The following AUTS2 variants were observed in gnomAD, a reference collection of about 807,000 sequenced individuals.
The protein encoded by AUTS2 is activator of transcription and developmental regulator AUTS2, also known as autism susceptibility gene 2 protein.
AUTS2 carries 17 observed loss-of-function variants against 112.4 expected under a neutral mutation model. The observed-to-expected ratio is 0.15, with a 90% CI of 0.10 to 0.23. AUTS2 has a LOEUF of 0.23. Ranked by LOEUF, AUTS2 falls within the 10% of genes least tolerant of loss-of-function variation. AUTS2 has a pLI of 1.00. For synonymous variants in AUTS2, 751 were observed against 702.7 expected, an observed-to-expected ratio of 1.07 and a Z score of -1.09; for missense variants, 1,510 against 1,701.6, an observed-to-expected ratio of 0.89 and a Z score of 1.98.
chr7:70,023,264 A>G (rs941912572), intron 2 of AUTS2, among the ~76,000 whole-genome samples: 1 of 152,240 alleles, frequency 6.6e-6, no homozygotes, highest in Non-Finnish European at 1.5e-5. Flanking sequence ...ATTTGAGTTG[A>G]GTGAGATCAT....
intron 4 of AUTS2, among the ~76,000 whole-genome samples, chr7:70,389,060 G>A (rs1793736017): frequency 1.3e-5 from 2 of 152,110 alleles, no homozygotes; most frequent in Non-Finnish European, 2.9e-5. Context: ...AAAAAGTATA[G>A]GTTAACCAAG....
chr7:69,752,235 G>A lies in AUTS2; in HGVS notation c.310-147051G>A, dbSNP rs559006883. On this transcript the variant is annotated intron_variant, in intron 1 of 18. Coordinates refer to ENST00000342771, the MANE Select transcript of AUTS2 (RefSeq NM_015570.4). ...GGGCTGGGGTGGGCCCTTGCTCTCT[G>A]CAGAGGTGTTCTTTCTCCCAGTGGG... Among the ~76,000 whole-genome samples, 77 of 152,346 alleles carry A rather than the reference G, an allele frequency of 5.1e-4. 1 individual carries two copies. The highest frequency in any genetic ancestry group is 1.8e-3 in the African/African-American group (73 of 41,580).
intron 2 of AUTS2, among the ~76,000 whole-genome samples, chr7:70,084,127 G>T (rs761691207): frequency 6.6e-6 from 1 of 151,932 alleles, no homozygotes. Context: ...TCACTATAAA[G>T]TTGTATACAT....
At chr7:69,665,905 A>G (rs1796010996) in intron 1 of AUTS2, among the ~76,000 whole-genome samples, 2 of 152,158 alleles carry the variant, frequency 1.3e-5, no homozygotes, top group Admixed American at 1.3e-4. Context: ...AAGTTAGGCC[A>G]TTAGAAATGC....
intron 4 of AUTS2, among the ~76,000 whole-genome samples, chr7:70,281,262 G>T (rs1056585202): frequency 6.6e-6 from 1 of 152,190 alleles, no homozygotes; most frequent in Admixed American, 6.5e-5. Flanking sequence ...GCCTAGGCCT[G>T]TGTGAATGGC....
intron 1 of AUTS2, among the ~76,000 whole-genome samples, chr7:69,731,146 G>T (rs534196270): frequency 6.6e-6 from 1 of 152,270 alleles, no homozygotes; most frequent in Non-Finnish European, 1.5e-5. Context: ...ACAAAAATTA[G>T]CCAGGTGTGG....
intron 1 of AUTS2, among the ~76,000 whole-genome samples, chr7:69,807,238 G>A (rs1017286768): frequency 6.6e-6 from 1 of 152,108 alleles, no homozygotes; most frequent in Non-Finnish European, 1.5e-5. Context: ...GTCACTGTGG[G>A]TATTTATTTT....
intron 6 of AUTS2, among the ~76,000 whole-genome samples, chr7:70,751,420 A>G (rs1489455243): frequency 6.6e-6 from 1 of 152,246 alleles, no homozygotes; most frequent in East Asian, 1.9e-4. Context: ...TGGGAAGACT[A>G]TCTTTTTAAT....
rs947206705 is a variant in AUTS2, at chr7:69,636,486, C to A, written c.309+36524C>A. On this transcript the variant is annotated intron_variant, in intron 1 of 18. Transcript: ENST00000342771. The stretch of plus-strand genomic sequence containing the variant: ...CTGACCTCAAGTGATCCGCGCCCCC[C>A]CCCCCCCTTGGCCTCCCAAAGTGCT... 2.4e-5 allele frequency among the ~76,000 whole-genome samples: 2 copies of A among 82,352 alleles called. 1 individual carries two copies. The highest frequency in any genetic ancestry group is 9.2e-5 in the African/African-American group (2 of 21,726). 54.0% of individuals were successfully genotyped at this position (82,352 alleles called of 152,430 possible). A position where few individuals can be genotyped will look rare whatever the true frequency, so the allele number is the denominator to read the frequency against.
intron 5 of AUTS2, among the ~76,000 whole-genome samples, chr7:70,576,892 C>G (rs1398245945): frequency 6.6e-6 from 1 of 152,124 alleles, no homozygotes; most frequent in East Asian, 1.9e-4. Context: ...CCACAGAACA[C>G]CTAGGAACAT....
intron 2 of AUTS2, among the ~76,000 whole-genome samples, chr7:70,019,116 A>G (rs1800160826): frequency 6.6e-6 from 1 of 152,238 alleles, no homozygotes; most frequent in South Asian, 2.1e-4. Context: ...TTGCAGGAAC[A>G]TGGATAGGAG....
chr7:70,310,749 C>T (rs1490556925), intron 4 of AUTS2, among the ~76,000 whole-genome samples: 1 of 152,250 alleles, frequency 6.6e-6, no homozygotes, highest in East Asian at 1.9e-4. Flanking sequence ...TTTGCAACAA[C>T]ATCAGAGAGA....
chr7:70,622,395 G>C (rs1804729593), intron 5 of AUTS2, among the ~76,000 whole-genome samples: 1 of 152,110 alleles, frequency 6.6e-6, no homozygotes, highest in African/African-American at 2.4e-5. Context: ...TCTTTAAGCA[G>C]CACATTCTTG....
chr7:70,302,279 G>A (rs2129613694), intron 4 of AUTS2, among the ~76,000 whole-genome samples: 1 of 152,150 alleles, frequency 6.6e-6, no homozygotes, highest in Non-Finnish European at 1.5e-5. Flanking sequence ...TGGGCATGGT[G>A]GTGCAGGCTG....
intron 2 of AUTS2, among the ~76,000 whole-genome samples, chr7:69,906,849 G>A (rs916284238): frequency 1.3e-5 from 2 of 152,168 alleles, no homozygotes; most frequent in African/African-American, 4.8e-5. Context: ...GTTCACGCCT[G>A]TAATCTCAGC....
intron 4 of AUTS2, among the ~76,000 whole-genome samples, chr7:70,422,788 A>AG (rs1204612632): frequency 6.6e-6 from 1 of 152,010 alleles, no homozygotes; most frequent in Non-Finnish European, 1.5e-5. Flanking sequence ...GAAAAAAAAA[A>AG]TTATACCCAT....
chr7:69,857,042 C>T (rs1206327744), intron 1 of AUTS2, among the ~76,000 whole-genome samples: 1 of 152,150 alleles, frequency 6.6e-6, no homozygotes, highest in African/African-American at 2.4e-5. Flanking sequence ...CCTGTTAAAT[C>T]AGTATAATGA....
At chr7:70,432,583 T>C (rs1430656380) in intron 4 of AUTS2, among the ~76,000 whole-genome samples, 2 of 152,158 alleles carry the variant, frequency 1.3e-5, no homozygotes, top group Non-Finnish European at 2.9e-5. Context: ...CCGTCTGGGG[T>C]TGTCAACAAA....
chr7:70,730,959 G>C (rs7794301), intron 6 of AUTS2, among the ~76,000 whole-genome samples: 34,838 of 152,130 alleles, frequency 0.23, 4,858 homozygotes, highest in East Asian at 0.58. Flanking sequence ...AGTAATATTT[G>C]ATTGTGGGTT....
Sources: allele counts gnomAD v4.1 joint callset (sites outside exome capture counted in the v4.1 genomes callset), GRCh38; gene constraint gnomAD v4.1.1; transcripts MANE v1.5; gene names NCBI Gene and HGNC (gene_info 2026-07-23, HGNC 2026-07-21).